ADGRB3: variants seen among roughly 807,000 people sequenced by gnomAD.
ADGRB3 encodes adhesion G protein-coupled receptor B3.
In ADGRB3, 37 loss-of-function variants were observed where a neutral mutation model predicts 193.4. The observed-to-expected ratio is 0.19, with a 90% confidence interval of 0.15 to 0.25. The LOEUF (loss-of-function observed/expected upper bound fraction) is 0.25, where lower values mean the gene tolerates loss of function less well. Among genes scored for constraint, ADGRB3 ranks in the 10% least tolerant of loss-of-function variants. The pLI, the probability that ADGRB3 is intolerant of heterozygous loss-of-function variation, is 1.00. For missense variants in ADGRB3, 1,637 were observed against 1,852.9 expected (o/e 0.88, Z 2.14); for synonymous variants, 690 against 644.2 (o/e 1.07, Z -1.08).
intron 3 of ADGRB3, among the ~76,000 whole-genome samples, chr6:68,861,539 G>T (rs1470569940): frequency 6.6e-6 from 1 of 151,998 alleles, no homozygotes; most frequent in Admixed American, 6.6e-5. Flanking sequence ...TCCAGCCTGG[G>T]CAACAGAGCG....
intron 3 of ADGRB3, among the ~76,000 whole-genome samples, chr6:68,890,606 G>T (rs536782364): frequency 8.5e-5 from 13 of 152,268 alleles, no homozygotes; most frequent in African/African-American, 2.6e-4. Context: ...ATAAATTTGT[G>T]TACACTATTC....
intron 13 of ADGRB3, among the ~76,000 whole-genome samples, chr6:69,029,900 A>G (rs910352390): frequency 1.2e-4 from 19 of 152,058 alleles, no homozygotes; most frequent in Admixed American, 1.1e-3. Context: ...TGGGCAAAGG[A>G]TATGAACAGA....
chr6:69,380,466 A>C (rs927555559), intron 30 of ADGRB3, among the ~76,000 whole-genome samples: 2 of 152,010 alleles, frequency 1.3e-5, no homozygotes, highest in African/African-American at 2.4e-5. Flanking sequence ...CAACTCTCTT[A>C]GAAGAGAATG....
chr6:69,324,721 A>G, intron 20 of ADGRB3, 151 bp from the exon 21 acceptor site: 4 of 919,098 alleles, frequency 4.4e-6, no homozygotes, highest in Non-Finnish European at 6.4e-6. Flanking sequence ...TATAGGGTTT[A>G]TAATTTCTGT....
intron 17 of ADGRB3, among the ~76,000 whole-genome samples, chr6:69,107,013 A>G (rs1392639761): frequency 1.3e-5 from 2 of 152,164 alleles, no homozygotes; most frequent in Non-Finnish European, 2.9e-5. Context: ...AGTCTCTCAA[A>G]ACTTGCATTA....
chr6:68,869,755 C>A (rs1419715153), intron 3 of ADGRB3, among the ~76,000 whole-genome samples: 1 of 136,478 alleles, frequency 7.3e-6, no homozygotes. Context: ...AGGCAACATT[C>A]TTTTATTTGC....
At chr6:69,055,197 A>G (rs1240024761) in intron 15 of ADGRB3, among the ~76,000 whole-genome samples, 1 of 152,212 alleles carries the variant, frequency 6.6e-6, no homozygotes, top group Non-Finnish European at 1.5e-5. Context: ...TTTAGTGTAC[A>G]GTACAATGTT....
chr6:68,716,302 T>C (rs192715245), intron 3 of ADGRB3, among the ~76,000 whole-genome samples: 163 of 151,860 alleles, frequency 1.1e-3, no homozygotes, highest in Non-Finnish European at 1.6e-3. Flanking sequence ...ATTTATTTAT[T>C]TGGACAATAT....
At chr6:68,799,241 A>G (rs967990119) in intron 3 of ADGRB3, among the ~76,000 whole-genome samples, 2 of 152,188 alleles carry the variant, frequency 1.3e-5, no homozygotes, top group Admixed American at 6.5e-5. Flanking sequence ...TAACAGTGCC[A>G]TAAGGAAGGG....
chr6:68,943,801 G>A, intron 5 of ADGRB3, 29 bp from the exon 6 acceptor site: 2 of 1,546,224 alleles, frequency 1.3e-6, no homozygotes, highest in Non-Finnish European at 1.8e-6. Flanking sequence ...CTCTGCTTTT[G>A]TTGTTGAAGC....
At chr6:69,207,457 C>T (rs1227584249) in intron 17 of ADGRB3, among the ~76,000 whole-genome samples, 2 of 152,180 alleles carry the variant, frequency 1.3e-5, no homozygotes, top group African/African-American at 2.4e-5. Flanking sequence ...GGGCCAAATG[C>T]AGCAACTTAT....
intron 8 of ADGRB3, among the ~76,000 whole-genome samples, chr6:68,967,269 T>C (rs1768410292): frequency 6.6e-6 from 1 of 152,218 alleles, no homozygotes; most frequent in South Asian, 2.1e-4. Flanking sequence ...TGCTTTTCAT[T>C]TTGTTTGGCT....
intron 16 of ADGRB3, among the ~76,000 whole-genome samples, chr6:69,068,946 C>A (rs1400172568): frequency 1.3e-5 from 2 of 151,604 alleles, no homozygotes; most frequent in African/African-American, 2.4e-5. Context: ...TTTTTTCATT[C>A]CATCTTAGTT....
At chr6:69,339,595 A>C in intron 26 of ADGRB3, 91 bp downstream of exon 26, 1 of 1,415,812 alleles carries the variant, frequency 7.1e-7, no homozygotes, top group Non-Finnish European at 9.6e-7. Context: ...TGATGTTCAG[A>C]TTAAAGCTGG....
At chr6:69,069,779 A>T (rs1173252545) in intron 16 of ADGRB3, among the ~76,000 whole-genome samples, 2 of 150,892 alleles carry the variant, frequency 1.3e-5, no homozygotes, top group Non-Finnish European at 3.0e-5. Flanking sequence ...AAATTTATGA[A>T]CAAAATATGA....
At chr6:68,885,604 G>A (rs1765885530) in intron 3 of ADGRB3, among the ~76,000 whole-genome samples, 1 of 152,166 alleles carries the variant, frequency 6.6e-6, no homozygotes, top group Non-Finnish European at 1.5e-5. Context: ...CTTGTATGTA[G>A]ATTCTTAAAG....
At chr6:69,301,253 T>G (rs1297270273) in intron 20 of ADGRB3, among the ~76,000 whole-genome samples, 5 of 151,908 alleles carry the variant, frequency 3.3e-5, no homozygotes, top group East Asian at 1.9e-4. Flanking sequence ...ATTTTTAAAT[T>G]TATCAAAACT....
At chr6:69,193,688 A>G (rs972176741) in intron 17 of ADGRB3, among the ~76,000 whole-genome samples, 5 of 152,090 alleles carry the variant, frequency 3.3e-5, no homozygotes, top group African/African-American at 1.2e-4. Flanking sequence ...TGACCTTTGG[A>G]AAACAACTTA....
At chr6:69,183,337 T>A (rs1764983461) in intron 17 of ADGRB3, among the ~76,000 whole-genome samples, 1 of 152,124 alleles carries the variant, frequency 6.6e-6, no homozygotes, top group African/African-American at 2.4e-5. Flanking sequence ...TGATTTGAAA[T>A]TTTTGTGGTA....
Sources: allele counts gnomAD v4.1 joint callset (sites outside exome capture counted in the v4.1 genomes callset), GRCh38; gene constraint gnomAD v4.1.1; transcripts MANE v1.5; gene names NCBI Gene and HGNC (gene_info 2026-07-23, HGNC 2026-07-21).